Variants in PCBP2 observed in about 807,000 individuals in gnomAD.
PCBP2 encodes poly(rC)-binding protein 2.
PCBP2 carries 4 observed loss-of-function variants against 50.1 expected under a neutral mutation model. The ratio of observed to expected loss-of-function variants is 0.08; its 90% CI spans 0.04 to 0.18. PCBP2 has a LOEUF of 0.18. Ranked by LOEUF, PCBP2 falls within the 10% of genes least tolerant of loss-of-function variation. The pLI is 1.00. For synonymous variants in PCBP2, 179 were observed against 168.0 expected, an observed-to-expected ratio of 1.07 and a Z score of -0.51; for missense variants, 161 against 474.3, an observed-to-expected ratio of 0.34 and a Z score of 6.14.
At position 53,480,005 on chromosome 12, in the gene PCBP2, T is replaced by G. The variant is rs1481974824; in HGVS notation, c.*563T>G. The G allele has an allele frequency of 6.6e-6, 1 of 152,222 alleles. No individual in the cohort carries two copies. Among genetic ancestry groups the G allele is most frequent in the Non-Finnish European group, 1.5e-5 (1 of 68,136 alleles). 9.4% of individuals were successfully genotyped at this position (152,222 alleles called of 1,614,324 possible). ...TCGATCCTATTTTTCCCTGACTCCA[T>G]GCTTGGTTGGCCCTTATAAAACTTG... On this transcript the variant is annotated 3_prime_UTR_variant, in exon 15 of 15. Transcript: ENST00000546463.
At chr12:53,459,653 A>T (rs1003163430) in intron 6 of PCBP2, 1 of 272,302 alleles carries the variant, frequency 3.7e-6, no homozygotes, top group East Asian at 8.8e-5. Context: ...ACAAGTTTCT[A>T]TTTTTTTTTG....
intron 12 of PCBP2, 142 bp from the exon 13 acceptor site, chr12:53,468,635 T>C: frequency 5.8e-6 from 4 of 690,190 alleles, no homozygotes; most frequent in South Asian, 3.3e-5. Flanking sequence ...CTTTCCTCTT[T>C]GGAGGCTTCC....
chr12:53,473,514 G>A (rs1342602199), intron 14 of PCBP2, among the ~76,000 whole-genome samples: 1 of 152,166 alleles, frequency 6.6e-6, no homozygotes, highest in African/African-American at 2.4e-5. Flanking sequence ...AATTTAAATT[G>A]TGACTGTTTA....
chr12:53,458,797 C>T (rs773962572), intron 5 of PCBP2, among the ~76,000 whole-genome samples: 3 of 151,576 alleles, frequency 2.0e-5, no homozygotes, highest in Non-Finnish European at 2.9e-5. Flanking sequence ...AGCCACCATG[C>T]TTAGCTAATT....
At chr12:53,471,565 TG>T (rs1379218401) in intron 13 of PCBP2, 72 bp from the exon 14 acceptor site, 38 of 1,148,728 alleles carry the variant, frequency 3.3e-5, no homozygotes, top group African/African-American at 1.4e-4. Flanking sequence ...GGATTTGGGG[TG>T]GGGGGGTGGG....
At position 53,481,098 on chromosome 12, in the gene PCBP2, T is replaced by G; in HGVS notation, c.*1656T>G. 1 of 578,896 alleles carries G rather than the reference T, an allele frequency of 1.7e-6. No homozygotes were observed. The highest frequency in any genetic ancestry group is 2.3e-6 in the Non-Finnish European group (1 of 426,494). The allele number at this position is 578,896 out of a possible 1,614,324, so 35.9% of individuals were successfully genotyped here. A position where few individuals can be genotyped will look rare whatever the true frequency, so the allele number is the denominator to read the frequency against. On this transcript the variant is annotated 3_prime_UTR_variant, in exon 15 of 15. Transcript: ENST00000546463. Reference sequence around the variant, plus strand: ...TGGGACAGCCCCATCTTTCTGTTGATTATGTGGCGCATATATATATATATA... The same window carrying G: ...TGGGACAGCCCCATCTTTCTGTTGAGTATGTGGCGCATATATATATATATA...
chr12:53,476,652 A>C (rs1439057055), intron 14 of PCBP2, among the ~76,000 whole-genome samples: 2 of 140,334 alleles, frequency 1.4e-5, no homozygotes, highest in Non-Finnish European at 3.1e-5. Flanking sequence ...ATTGGCTGAC[A>C]AAAAAAAAAA....
intron 14 of PCBP2, chr12:53,475,065 C>G: frequency 2.2e-6 from 1 of 456,544 alleles, no homozygotes; most frequent in South Asian, 1.5e-5. Context: ...TGTCTCCAGT[C>G]TGCTTGGCAT....
chr12:53,462,341 A>AT (rs1246452943), intron 7 of PCBP2, 152 bp from the exon 8 acceptor site: 2 of 532,538 alleles, frequency 3.8e-6, no homozygotes, highest in Admixed American at 6.9e-5. Context: ...CAGTAGATAA[A>AT]TTGAGATTAG....
At chr12:53,467,957 G>A (rs951103942) in intron 12 of PCBP2, 114 bp downstream of exon 12, 4 of 846,662 alleles carry the variant, frequency 4.7e-6, no homozygotes, top group Admixed American at 3.9e-5. Flanking sequence ...TGGCAGAGAG[G>A]AGCTGAGAGA....
At chr12:53,467,887 A>G in intron 12 of PCBP2, 44 bp downstream of exon 12, 3 of 1,380,478 alleles carry the variant, frequency 2.2e-6, no homozygotes, top group East Asian at 2.3e-5. Flanking sequence ...CTACTGTTAT[A>G]TTAATAAACT....
chr12:53,467,774 A>G (rs1472590271), intron 11 of PCBP2, 31 bp from the exon 12 acceptor site: 1 of 1,593,998 alleles, frequency 6.3e-7, no homozygotes, highest in Non-Finnish European at 8.6e-7. Flanking sequence ...GGATGAGACC[A>G]CCAAACTCAT....
chr12:53,469,130 G>A (rs567133589), intron 13 of PCBP2, among the ~76,000 whole-genome samples: 7 of 151,892 alleles, frequency 4.6e-5, no homozygotes, highest in Non-Finnish European at 1.0e-4. Context: ...TCAAACTCCC[G>A]AGCTCAGGTG....
At chr12:53,453,922 CA>C (rs1300076271) in intron 1 of PCBP2, among the ~76,000 whole-genome samples, 2 of 152,106 alleles carry the variant, frequency 1.3e-5, no homozygotes, top group East Asian at 3.8e-4. Context: ...AAAATTTTAG[CA>C]ATGCCAGTTT....
intron 14 of PCBP2, among the ~76,000 whole-genome samples, 171 bp downstream of exon 14, chr12:53,471,978 A>G (rs1942268789): frequency 7.3e-6 from 1 of 137,164 alleles, no homozygotes; most frequent in Non-Finnish European, 1.6e-5. Context: ...GAAAAAGTAA[A>G]CTGCAGTAAG....
chr12:53,476,708 T>A (rs938567281), intron 14 of PCBP2, among the ~76,000 whole-genome samples: 5 of 152,202 alleles, frequency 3.3e-5, no homozygotes, highest in Non-Finnish European at 7.3e-5. Flanking sequence ...GATGTTATTT[T>A]GGCCCCTCCA....
At chr12:53,473,876 G>C (rs1264588307) in intron 14 of PCBP2, among the ~76,000 whole-genome samples, 18 of 151,418 alleles carry the variant, frequency 1.2e-4, no homozygotes, top group Admixed American at 1.2e-3. Context: ...CTTTTATATA[G>C]TTAGTTGACT....
At chr12:53,473,624 C>G (rs1439143390) in intron 14 of PCBP2, among the ~76,000 whole-genome samples, 1 of 152,210 alleles carries the variant, frequency 6.6e-6, no homozygotes, top group Non-Finnish European at 1.5e-5. Context: ...ATCATTGTTA[C>G]TGAATAGCAA....
chr12:53,462,751 A>G (rs1390008211), intron 8 of PCBP2, among the ~76,000 whole-genome samples, 184 bp downstream of exon 8: 1 of 152,216 alleles, frequency 6.6e-6, no homozygotes. Flanking sequence ...TTAGCAGGCA[A>G]TGGAAGTTTT....
Sources: allele counts gnomAD v4.1 joint callset (sites outside exome capture counted in the v4.1 genomes callset), GRCh38; gene constraint gnomAD v4.1.1; transcripts MANE v1.5; gene names NCBI Gene and HGNC (gene_info 2026-07-23, HGNC 2026-07-21).